CNTN5: variants seen among roughly 807,000 people sequenced by gnomAD.
CNTN5 encodes the protein contactin 5.
In CNTN5, 77 loss-of-function variants were observed where a neutral mutation model predicts 129.1. The observed-to-expected ratio is 0.60, with a 90% CI of 0.50 to 0.72. The LOEUF (loss-of-function observed/expected upper bound fraction) is 0.72, where lower values mean the gene tolerates loss of function less well. Among genes scored for constraint, CNTN5 ranks in the 30% least tolerant of loss-of-function variants. CNTN5 has a pLI of 0.00. For missense variants in CNTN5, 1,478 were observed against 1,328.8 expected (o/e 1.11, Z -1.75); for synonymous variants, 509 against 465.6 (o/e 1.09, Z -1.20).
At chr11:99,282,844 G>A (rs1276753241) in intron 1 of CNTN5, among the ~76,000 whole-genome samples, 1 of 152,020 alleles carries the variant, frequency 6.6e-6, no homozygotes, top group Non-Finnish European at 1.5e-5. Flanking sequence ...GTCAGACCTG[G>A]GAGTCAGCAT....
chr11:99,629,878 T>A (rs1951275562), intron 3 of CNTN5, among the ~76,000 whole-genome samples: 2 of 151,886 alleles, frequency 1.3e-5, no homozygotes, highest in South Asian at 2.1e-4. Context: ...ATAAAAATAC[T>A]TGATATAAAA....
At chr11:100,208,919 G>A (rs547997920) in intron 15 of CNTN5, among the ~76,000 whole-genome samples, 3 of 152,160 alleles carry the variant, frequency 2.0e-5, no homozygotes, top group Admixed American at 1.3e-4. Context: ...TTTGGTGAAG[G>A]GGGCAGCTAG....
chr11:99,335,258 A>C (rs1866171869), intron 2 of CNTN5, among the ~76,000 whole-genome samples: 1 of 152,096 alleles, frequency 6.6e-6, no homozygotes, highest in South Asian at 2.1e-4. Flanking sequence ...AAACCTCTGC[A>C]ATCTTGTTCT....
chr11:99,624,069 C>G (rs896842829), intron 3 of CNTN5, among the ~76,000 whole-genome samples: 1 of 152,092 alleles, frequency 6.6e-6, no homozygotes, highest in African/African-American at 2.4e-5. Context: ...TGATGGTAAT[C>G]TTCTGAACCC....
chr11:100,078,148 G>A (rs1040859366), intron 13 of CNTN5, among the ~76,000 whole-genome samples: 12 of 151,962 alleles, frequency 7.9e-5, no homozygotes, highest in African/African-American at 1.7e-4. Context: ...TTTCTACCAC[G>A]TTTTGAGTAA....
chr11:99,495,682 C>A (rs1254044191), intron 2 of CNTN5, among the ~76,000 whole-genome samples: 2 of 152,076 alleles, frequency 1.3e-5, no homozygotes, highest in African/African-American at 4.8e-5. Flanking sequence ...AAGTAGAGAG[C>A]TTTATCCTTT....
chr11:99,836,149 T>C (rs987529371), intron 4 of CNTN5, among the ~76,000 whole-genome samples: 1 of 151,848 alleles, frequency 6.6e-6, no homozygotes, highest in African/African-American at 2.4e-5. Context: ...AATTTTTCTT[T>C]TTTTTTAATT....
rs1289635751 is a variant in CNTN5, at chr11:100,090,467, C to CTT, written c.1580+16177_1580+16178dup. 7.9e-5 allele frequency among the ~76,000 whole-genome samples: 4 copies of CTT among 50,844 alleles called. No homozygotes were observed. In the African/African-American group the frequency reaches 8.2e-4, roughly 10 times the overall value. The allele number at this position is 50,844 out of a possible 152,430, so 33.4% of individuals were successfully genotyped here. A position where few individuals can be genotyped will look rare whatever the true frequency, so the allele number is the denominator to read the frequency against. On this transcript the variant is annotated intron_variant, in intron 13 of 24. Coordinates refer to ENST00000524871, the MANE Select transcript of CNTN5 (RefSeq NM_014361.4). The stretch of plus-strand genomic sequence containing the variant: ...TTCCTTCCTCTCTTTCTCTTTCTTT[C>CTT]TTTTTCTCTCTTTCCCTCCCTCCTT...
At chr11:100,345,741 GA>G (rs1379607154) in intron 23 of CNTN5, among the ~76,000 whole-genome samples, 1 of 152,090 alleles carries the variant, frequency 6.6e-6, no homozygotes, top group Non-Finnish European at 1.5e-5. Flanking sequence ...ACCTAGTGGT[GA>G]AACTTTCCAC....
chr11:100,157,509 G>T (rs1014361160), intron 13 of CNTN5, among the ~76,000 whole-genome samples: 9 of 144,994 alleles, frequency 6.2e-5, no homozygotes, highest in Admixed American at 4.8e-4. Flanking sequence ...ACTCAATCTT[G>T]TAAAAAAAAA....
rs539589579 is a variant in CNTN5 at position 100,083,793 on chromosome 11, T to G, written c.1580+9499T>G. On this transcript the variant is annotated intron_variant, in intron 13 of 24. Transcript: ENST00000524871. Reference sequence around the variant, plus strand: ...AAACACTTCAGGAACTCTCAAAATATCAGTTCCTAATATTTTCCAAATTTA... The same window carrying G: ...AAACACTTCAGGAACTCTCAAAATAGCAGTTCCTAATATTTTCCAAATTTA... Among the ~76,000 whole-genome samples, 3 of 152,214 alleles carry G rather than the reference T, an allele frequency of 2.0e-5. No homozygotes were observed. The South Asian group carries it at 6.2e-4, about 32-fold the overall frequency.
chr11:99,488,165 T>G (rs1335921712), intron 2 of CNTN5, among the ~76,000 whole-genome samples: 2 of 150,904 alleles, frequency 1.3e-5, no homozygotes, highest in Non-Finnish European at 2.9e-5. Flanking sequence ...AGAAGTTTTT[T>G]TTTTTTTTTT....
chr11:99,943,340 A>C (rs1487012338), intron 7 of CNTN5, among the ~76,000 whole-genome samples: 1 of 152,004 alleles, frequency 6.6e-6, no homozygotes, highest in Non-Finnish European at 1.5e-5. Context: ...TCTTCTTCTG[A>C]GAAGTGTTTG....
At chr11:100,312,741 A>G (rs965704388) in intron 21 of CNTN5, among the ~76,000 whole-genome samples, 9 of 152,054 alleles carry the variant, frequency 5.9e-5, no homozygotes, top group African/African-American at 2.2e-4. Flanking sequence ...TTAACTTCAC[A>G]TGCAAAATCT....
chr11:100,043,083 G>T (rs1942467325), intron 9 of CNTN5, among the ~76,000 whole-genome samples: 1 of 152,076 alleles, frequency 6.6e-6, no homozygotes, highest in Non-Finnish European at 1.5e-5. Flanking sequence ...AGAGAAATTT[G>T]TTTTGGATAA....
intron 2 of CNTN5, among the ~76,000 whole-genome samples, chr11:99,498,318 T>C (rs1387357736): frequency 6.6e-6 from 1 of 152,194 alleles, no homozygotes; most frequent in Non-Finnish European, 1.5e-5. Flanking sequence ...TTTGTTGCTA[T>C]AGTTTTCGAC....
intron 8 of CNTN5, among the ~76,000 whole-genome samples, chr11:99,992,878 T>C (rs928402322): frequency 1.3e-5 from 2 of 152,186 alleles, no homozygotes; most frequent in African/African-American, 4.8e-5. Flanking sequence ...TGGCACGTAA[T>C]TCTAAACTAG....
At chr11:100,283,023 G>A (rs1327375366) in intron 18 of CNTN5, among the ~76,000 whole-genome samples, 3 of 152,140 alleles carry the variant, frequency 2.0e-5, no homozygotes, top group Non-Finnish European at 2.9e-5. Flanking sequence ...CAGAAATGCT[G>A]TCAAAGAGTC....
chr11:100,119,826 C>T (rs1353523589), intron 13 of CNTN5, among the ~76,000 whole-genome samples: 1 of 151,816 alleles, frequency 6.6e-6, no homozygotes. Context: ...TGTGTTTATA[C>T]CTAAAAATTG....
Sources: allele counts gnomAD v4.1 joint callset (sites outside exome capture counted in the v4.1 genomes callset), GRCh38; gene constraint gnomAD v4.1.1; transcripts MANE v1.5; gene names NCBI Gene and HGNC (gene_info 2026-07-23, HGNC 2026-07-21).